PCDH9: variants seen among roughly 807,000 people sequenced by gnomAD.
PCDH9 encodes protocadherin-9.
In PCDH9, 24 loss-of-function variants were observed where a neutral mutation model predicts 70.6. The observed-to-expected ratio is 0.34, with a 90% CI of 0.25 to 0.48. The LOEUF (loss-of-function observed/expected upper bound fraction) is 0.48, where lower values mean the gene tolerates loss of function less well. PCDH9 is among the 20% of genes least tolerant of loss of function. PCDH9 has a pLI of 0.99. For synonymous variants in PCDH9, 562 were observed against 558.5 expected, an observed-to-expected ratio of 1.01 and a Z score of -0.09; for missense variants, 1,281 against 1,503.6, an observed-to-expected ratio of 0.85 and a Z score of 2.45.
At chr13:66,801,096 G>A (rs1412538652) in intron 3 of PCDH9, among the ~76,000 whole-genome samples, 2 of 150,690 alleles carry the variant, frequency 1.3e-5, no homozygotes, top group Admixed American at 6.6e-5. Context: ...GGGGATGTAG[G>A]TCTGTATATA....
rs1198651470 is a variant in PCDH9, at chr13:66,891,162, TA to T, written c.3138+12341del. ...GTGGTTTCTTTTTACTGCTGCATAGTATTATATTGCAAACTACCACCATTTG... is the reference window on the plus strand; with the variant it reads ...GTGGTTTCTTTTTACTGCTGCATAGTTTATATTGCAAACTACCACCATTTG... On this transcript the variant is annotated intron_variant, in intron 3 of 4. Transcript: ENST00000377865. Among the ~76,000 whole-genome samples, 3 of 152,120 alleles carry T rather than the reference TA, an allele frequency of 2.0e-5. No homozygotes were observed. In the East Asian group the frequency reaches 5.8e-4, roughly 29 times the overall value.
At chr13:66,399,431 C>T (rs1957153527) in intron 4 of PCDH9, among the ~76,000 whole-genome samples, 1 of 152,102 alleles carries the variant, frequency 6.6e-6, no homozygotes, top group African/African-American at 2.4e-5. Context: ...GAAGATTCCT[C>T]TCTGCTCCTC....
At chr13:66,871,475 T>C (rs570173802) in intron 3 of PCDH9, among the ~76,000 whole-genome samples, 1 of 152,024 alleles carries the variant, frequency 6.6e-6, no homozygotes, top group Admixed American at 6.6e-5. Flanking sequence ...CTTAAATTCC[T>C]CTTCACACAG....
At chr13:67,084,636 T>C (rs1408990307) in intron 2 of PCDH9, among the ~76,000 whole-genome samples, 1 of 151,768 alleles carries the variant, frequency 6.6e-6, no homozygotes, top group Non-Finnish European at 1.5e-5. Context: ...GGCTATCCAA[T>C]ATTACTGCAC....
intron 2 of PCDH9, among the ~76,000 whole-genome samples, chr13:67,083,053 AT>A (rs1455966221): frequency 6.6e-6 from 1 of 152,178 alleles, no homozygotes; most frequent in East Asian, 1.9e-4. Context: ...TGGAAAGGAT[AT>A]AAAGTCCTAG....
intron 4 of PCDH9, among the ~76,000 whole-genome samples, chr13:66,577,531 T>A (rs142905821): frequency 6.6e-6 from 1 of 152,128 alleles, no homozygotes; most frequent in African/African-American, 2.4e-5. Flanking sequence ...ACACCTATTT[T>A]GGAGATTAGT....
intron 3 of PCDH9, chr13:66,886,035 A>T (rs1400956280): frequency 6.6e-6 from 1 of 152,058 alleles, no homozygotes; most frequent in Non-Finnish European, 1.5e-5. Context: ...TTAACCATGG[A>T]TCGATTTTCA....
At chr13:66,800,153 A>C (rs1056200270) in intron 3 of PCDH9, among the ~76,000 whole-genome samples, 2 of 152,146 alleles carry the variant, frequency 1.3e-5, no homozygotes, top group Non-Finnish European at 2.9e-5. Flanking sequence ...ACTATTTCCC[A>C]GATGTTGCAA....
At chr13:66,940,474 AG>A (rs2082989827) in intron 2 of PCDH9, among the ~76,000 whole-genome samples, 1 of 152,128 alleles carries the variant, frequency 6.6e-6, no homozygotes, top group African/African-American at 2.4e-5. Flanking sequence ...TATAAAAAAA[AG>A]TTTTCTCAAA....
chr13:66,888,834 T>C (rs1449283243), intron 3 of PCDH9, among the ~76,000 whole-genome samples: 1 of 152,206 alleles, frequency 6.6e-6, no homozygotes, highest in Non-Finnish European at 1.5e-5. Context: ...TTTCCCAACA[T>C]TCAGAAGCTC....
chr13:67,064,837 G>A (rs2085610161), intron 2 of PCDH9, among the ~76,000 whole-genome samples: 1 of 151,966 alleles, frequency 6.6e-6, no homozygotes, highest in Admixed American at 6.6e-5. Context: ...ATTCAAAGGG[G>A]TAAAGTATAT....
At chr13:67,139,940 A>T (rs2087331444) in intron 2 of PCDH9, among the ~76,000 whole-genome samples, 1 of 149,942 alleles carries the variant, frequency 6.7e-6, no homozygotes, top group Admixed American at 6.7e-5. Context: ...AGGATAGAAT[A>T]GTTTTCTTTC....
intron 2 of PCDH9, chr13:67,208,569 G>A (rs964760705): frequency 9.9e-5 from 15 of 152,012 alleles, no homozygotes; most frequent in African/African-American, 3.4e-4. Flanking sequence ...GCTGATATAG[G>A]CAGTGATTAA....
intron 4 of PCDH9, among the ~76,000 whole-genome samples, chr13:66,316,210 C>T (rs1955649212): frequency 6.6e-6 from 1 of 152,160 alleles, no homozygotes; most frequent in African/African-American, 2.4e-5. Flanking sequence ...CCTGGATCAT[C>T]CAGGATAATC....
chr13:67,210,808 A>G (rs2089453022), intron 2 of PCDH9: 1 of 152,038 alleles, frequency 6.6e-6, no homozygotes, highest in African/African-American at 2.4e-5. Context: ...GATTTTAATA[A>G]CCACTACTGT....
chr13:66,428,063 A>T (rs1025299738), intron 4 of PCDH9, among the ~76,000 whole-genome samples: 8 of 151,752 alleles, frequency 5.3e-5, no homozygotes, highest in African/African-American at 1.9e-4. Context: ...AAGAAACCAT[A>T]TGTGGCTGTA....
At chr13:66,478,453 A>G (rs974126519) in intron 4 of PCDH9, among the ~76,000 whole-genome samples, 6 of 152,260 alleles carry the variant, frequency 3.9e-5, no homozygotes, top group African/African-American at 1.4e-4. Context: ...AGGCTGAGGC[A>G]GGTAAAAAGC....
intron 3 of PCDH9, among the ~76,000 whole-genome samples, chr13:66,680,076 G>A (rs1483112120): frequency 6.6e-6 from 1 of 151,858 alleles, no homozygotes; most frequent in African/African-American, 2.4e-5. Flanking sequence ...TTCAACTTCT[G>A]GATTCCTTTG....
intron 3 of PCDH9, among the ~76,000 whole-genome samples, chr13:66,860,510 A>G (rs1339035033): frequency 1.2e-4 from 19 of 152,224 alleles, no homozygotes. Context: ...ACATGGAAAA[A>G]TTCAAATTCC....
Sources: gnomAD v4.1 joint callset for allele counts (sites outside exome capture counted in the v4.1 genomes callset) on GRCh38, gnomAD v4.1.1 for gene constraint, MANE v1.5 for transcripts, NCBI Gene and HGNC (gene_info 2026-07-23, HGNC 2026-07-21) for gene names.